HDAC11: variants seen among roughly 807,000 people sequenced by gnomAD.
HDAC11 encodes histone deacetylase 11.
Under a neutral mutation model 41.1 loss-of-function variants are expected in HDAC11, and 23 were observed. The observed-to-expected ratio is 0.56, with a 90% confidence interval of 0.40 to 0.79. The LOEUF is 0.79. HDAC11 is among the 30% of genes least tolerant of loss of function. HDAC11 has a pLI of 0.00. For missense variants in HDAC11, 402 were observed against 477.3 expected, an observed-to-expected ratio of 0.84 and a Z score of 1.47; for synonymous variants, 187 against 186.6, an observed-to-expected ratio of 1.00 and a Z score of -0.02.
At position 13,502,256 on chromosome 3, in the gene HDAC11, C is replaced by A. The variant is rs1702403238; in HGVS notation, c.552+323C>A. 3.1e-6 allele frequency: 1 copy of A among 321,924 alleles called. No homozygotes were observed. The highest frequency in any genetic ancestry group is 2.1e-5 in the African/African-American group (1 of 47,194). 19.9% of individuals were successfully genotyped at this position (321,924 alleles called of 1,614,324 possible). A position where few individuals can be genotyped will look rare whatever the true frequency, so the allele number is the denominator to read the frequency against. On this transcript the variant is annotated intron_variant, in intron 7 of 9. Coordinates refer to ENST00000295757, the MANE Select transcript of HDAC11 (RefSeq NM_024827.4). The surrounding 1 kb of genome is among the most constrained non-coding windows in gnomAD (Gnocchi z 4.1). ...TGCTTATGAATAATTTGGGGCACTG[C>A]CCCCTGCCCAGAGCTGCTGAGCACT...
At chr3:13,498,112 T>C (rs1702186831) in intron 4 of HDAC11, among the ~76,000 whole-genome samples, 1 of 152,228 alleles carries the variant, frequency 6.6e-6, no homozygotes. Flanking sequence ...TGCCTCGGCC[T>C]CCCAAAGTGC....
In HDAC11 at chr3:13,504,646, A is replaced by G. The variant is rs200025556; in HGVS notation, c.1007A>G (p.Asn336Ser). Reference sequence around the variant, plus strand: ...GAGTCACCCAGCGTCTCCGCACAGAACTCAGACACACCGCTGCTTCCCCCT... The same window carrying G: ...GAGTCACCCAGCGTCTCCGCACAGAGCTCAGACACACCGCTGCTTCCCCCT... ...GPESPSVSAQ[N>S]SDTPLLPPAV... Residue 336 changes from asparagine to serine, a missense_variant, in exon 10 of 10, where the codon AAC becomes AGC. By Grantham distance (46) the Asn-to-Ser change is conservative. Coordinates refer to ENST00000295757, the MANE Select transcript of HDAC11 (RefSeq NM_024827.4). 2.4e-4 allele frequency: 385 copies of G among 1,613,612 alleles called. 1 individual carries two copies. Among genetic ancestry groups the G allele is most frequent in the Middle Eastern group, 3.3e-4 (2 of 6,084 alleles).
At chr3:13,493,553 GA>G (rs1342445203) in intron 3 of HDAC11, among the ~76,000 whole-genome samples, 1 of 152,232 alleles carries the variant, frequency 6.6e-6, no homozygotes, top group Non-Finnish European at 1.5e-5. Flanking sequence ...AAATTTTGAT[GA>G]ATTTACAATC....
rs1251160072 is a variant in HDAC11, at chr3:13,480,862, C to CT, written c.3-384_3-383insT. Reference sequence around the variant, plus strand: ...GTCCTCACAACAGCCACACATTTTGCAGCCGAAGCCTTGTGCCACACAGCT... The same window carrying CT: ...GTCCTCACAACAGCCACACATTTTGCTAGCCGAAGCCTTGTGCCACACAGCT... On this transcript the variant is annotated intron_variant, in intron 1 of 9. Coordinates refer to ENST00000295757, the MANE Select transcript of HDAC11 (RefSeq NM_024827.4). The surrounding 1 kb of genome is among the most constrained non-coding windows in gnomAD (Gnocchi z 4.6). 1 of 385,370 alleles carries CT rather than the reference C, an allele frequency of 2.6e-6. No individual in the cohort carries two copies. Among genetic ancestry groups the CT allele is most frequent in the East Asian group, 7.4e-5 (1 of 13,504 alleles). 23.9% of individuals were successfully genotyped at this position (385,370 alleles called of 1,614,324 possible). A position where few individuals can be genotyped will look rare whatever the true frequency, so the allele number is the denominator to read the frequency against.
At chr3:13,494,337 C>T (rs914488285) in intron 3 of HDAC11, among the ~76,000 whole-genome samples, 5 of 152,234 alleles carry the variant, frequency 3.3e-5, no homozygotes, top group African/African-American at 1.2e-4. Context: ...CAGCCACACG[C>T]GGGGCCTCTG....
At position 13,502,551 on chromosome 3, in the gene HDAC11, T is replaced by A. The variant is rs1180791397; in HGVS notation, c.553-333T>A. The A allele has an allele frequency of 4.3e-6, 1 of 230,592 alleles. No homozygotes were observed. Among genetic ancestry groups the A allele is most frequent in the East Asian group, 1.0e-4 (1 of 9,530 alleles). 14.3% of individuals were successfully genotyped at this position (230,592 alleles called of 1,614,324 possible). A position where few individuals can be genotyped will look rare whatever the true frequency, so the allele number is the denominator to read the frequency against. On this transcript the variant is annotated intron_variant, in intron 7 of 9. Transcript: ENST00000295757. This position sits in a 1 kb window ranked among gnomAD's most constrained non-coding sequence, Gnocchi z 4.1. ...TGCGACCCCGAACTCCTGAGCCAGG[T>A]CACATGTGGACAGTCCTTTACAGTT...
chr3:13,500,613 T>G (rs1223462665), intron 5 of HDAC11, 100 bp from the exon 6 acceptor site: 3 of 958,450 alleles, frequency 3.1e-6, no homozygotes, highest in Non-Finnish European at 4.8e-6. Flanking sequence ...TCCTGAGAGC[T>G]GAGCAGGGAG....
At chr3:13,486,576 T>TTTTTTTTTTTTTTG (rs1701595619) in intron 3 of HDAC11, among the ~76,000 whole-genome samples, 1 of 79,734 alleles carries the variant, frequency 1.3e-5, no homozygotes, top group African/African-American at 5.6e-5. Context: ...GAGGTGTTTT[T>TTTTTTTTTTTTTTG]TTTTTTTTTT....
chr3:13,503,173 A>G (rs1702452094), intron 8 of HDAC11, 193 bp downstream of exon 8: 1 of 440,342 alleles, frequency 2.3e-6, no homozygotes, highest in Admixed American at 4.0e-5. Context: ...AAGATCACAT[A>G]ACCCTTACAA....
chr3:13,489,690 C>A (rs926183988), intron 3 of HDAC11, among the ~76,000 whole-genome samples: 2 of 152,156 alleles, frequency 1.3e-5, no homozygotes, highest in Non-Finnish European at 2.9e-5. Context: ...TCTCAGCCTC[C>A]CAGGTAGCTG....
In HDAC11 at chr3:13,502,693, A is replaced by G. The variant is rs1574915125; in HGVS notation, c.553-191A>G. The G allele has an allele frequency of 1.8e-6, 1 of 568,240 alleles. No homozygotes were observed. Among genetic ancestry groups the G allele is most frequent in the Admixed American group, 2.9e-5 (1 of 34,964 alleles). 35.2% of individuals were successfully genotyped at this position (568,240 alleles called of 1,614,324 possible). A position where few individuals can be genotyped will look rare whatever the true frequency, so the allele number is the denominator to read the frequency against. On this transcript the variant is annotated intron_variant, in intron 7 of 9. Transcript: ENST00000295757. The surrounding 1 kb of genome is among the most constrained non-coding windows in gnomAD (Gnocchi z 4.1). ...CACTGGGCTTGCTCAAGCCCATGCT[A>G]GAAGGTGTCGGGGCCTGGTTTTAAG... is the stretch of plus-strand genomic sequence containing the variant.
In HDAC11 at chr3:13,505,978, G is replaced by A. The variant is rs1328558591; in HGVS notation, c.*1295G>A. The A allele has an allele frequency of 1.3e-5, 2 of 152,224 alleles. No homozygotes were observed. The highest frequency in any genetic ancestry group is 6.5e-5 in the Admixed American group (1 of 15,284). 9.4% of individuals were successfully genotyped at this position (152,224 alleles called of 1,614,324 possible). On this transcript the variant is annotated 3_prime_UTR_variant, in exon 10 of 10. Transcript: ENST00000295757. ...GGCCCTGCTCCATCAGCCCCCTACG[G>A]GACTTGTGTTCATTACAGTGAGGGG...
intron 2 of HDAC11, among the ~76,000 whole-genome samples, chr3:13,482,576 A>G (rs1368699946): frequency 3.3e-5 from 5 of 152,312 alleles, no homozygotes; most frequent in African/African-American, 1.2e-4. Flanking sequence ...TGAGGCCGGG[A>G]GTTTGAGACC....
intron 5 of HDAC11, among the ~76,000 whole-genome samples, chr3:13,499,748 C>G (rs1702266993): frequency 6.6e-6 from 1 of 152,192 alleles, no homozygotes; most frequent in African/African-American, 2.4e-5. Flanking sequence ...CTCTGCTGCA[C>G]AAACCCGGGA....
intron 9 of HDAC11, 83 bp downstream of exon 9, chr3:13,504,355 G>A (rs990739130): frequency 1.3e-6 from 2 of 1,585,938 alleles, no homozygotes; most frequent in Non-Finnish European, 1.7e-6. Context: ...CTCATGTCAG[G>A]GAGGAGATGG....
intron 4 of HDAC11, among the ~76,000 whole-genome samples, chr3:13,497,221 C>T (rs956536576): frequency 6.6e-6 from 1 of 152,002 alleles, no homozygotes; most frequent in East Asian, 1.9e-4. Context: ...TTCTGTCGCC[C>T]AGGCTGGAGT....
chr3:13,497,853 G>GTTTTTTTTTTTTTTTTTTTTTT (rs370288358), intron 4 of HDAC11, among the ~76,000 whole-genome samples: 1 of 76,568 alleles, frequency 1.3e-5, no homozygotes, highest in Non-Finnish European at 2.5e-5. Context: ...TTCTTTTTTT[G>GTTTTTTTTTTTTTTTTTTTTTT]CTTTTTTTTT....
At position 13,500,699 on chromosome 3, in the gene HDAC11, C is replaced by G; in HGVS notation, c.413-14C>G. ...GCCTGGCTCTGAGCAGCACCGCTCT[C>G]TGCCCTTCCGCAGGGGGTGGCTTCC... is the stretch of plus-strand genomic sequence containing the variant. On this transcript the variant is annotated splice_polypyrimidine_tract_variant and intron_variant, in intron 5 of 9. Transcript: ENST00000295757. 1 of 1,578,412 alleles carries G rather than the reference C, an allele frequency of 6.3e-7. No homozygotes were observed. Among genetic ancestry groups the G allele is most frequent in the Non-Finnish European group, 8.6e-7 (1 of 1,160,944 alleles).
In HDAC11 at chr3:13,502,931, C is replaced by T; in HGVS notation, c.600C>T (p.Ile200=). Residue 200 remains isoleucine, a synonymous_variant, in exon 8 of 10, where the codon ATC becomes ATT. Coordinates refer to ENST00000295757, the MANE Select transcript of HDAC11 (RefSeq NM_024827.4). The surrounding 1 kb of genome is among the most constrained non-coding windows in gnomAD (Gnocchi z 4.1). ...RDFMDDKRVY[I]MDVYNRHIYP... ...TCATGGACGACAAGCGTGTGTACAT[C>T]ATGGATGTCTACAACCGCCACATCT... 2 of 1,613,590 alleles carry T rather than the reference C, an allele frequency of 1.2e-6. No homozygotes were observed. The highest frequency in any genetic ancestry group is 1.7e-6 in the Non-Finnish European group (2 of 1,179,938).
Sources: gnomAD v4.1 joint callset for allele counts (sites outside exome capture counted in the v4.1 genomes callset) on GRCh38, gnomAD v4.1.1 for gene constraint, Gnocchi (gnomAD v3.1) non-coding constraint, MANE v1.5 for transcripts, NCBI Gene and HGNC (gene_info 2026-07-23, HGNC 2026-07-21) for gene names.